The following KCND3 variants were observed in gnomAD, a reference collection of about 807,000 sequenced individuals.
KCND3 encodes the protein potassium voltage-gated channel subfamily D member 3, also known as A-type voltage-gated potassium channel KCND3.
Under a neutral mutation model 51.1 loss-of-function variants are expected in KCND3, and 9 were observed. The ratio of observed to expected loss-of-function variants is 0.18; its 90% CI spans 0.11 to 0.31. The LOEUF is 0.31. Among genes scored for constraint, KCND3 ranks in the 10% least tolerant of loss-of-function variants. The probability of loss-of-function intolerance (pLI) is 1.00; values close to 1 mark genes in which losing one functional copy is unlikely to be tolerated. For synonymous variants in KCND3, 349 were observed against 368.0 expected, an observed-to-expected ratio of 0.95 and a Z score of 0.59; for missense variants, 526 against 903.8, an observed-to-expected ratio of 0.58 and a Z score of 5.36.
In KCND3 at chr1:111,911,998, A is replaced by G. The variant is rs1670972680; in HGVS notation, c.1106+69623T>C. Among the ~76,000 whole-genome samples the G allele has an allele frequency of 2.6e-5, 4 of 152,234 alleles. No individual in the cohort carries two copies. In the South Asian group the frequency reaches 8.3e-4, roughly 32 times the overall value. ...TGAGGCAGCTAGAGTGTGCAGGCACAATGCCAGAAACAGCTTTGGCTATCT... is the reference window on the plus strand; with the variant it reads ...TGAGGCAGCTAGAGTGTGCAGGCACGATGCCAGAAACAGCTTTGGCTATCT... On this transcript the variant is annotated intron_variant, in intron 2 of 7. Transcript: ENST00000302127.
In KCND3 at chr1:111,915,766, C is replaced by CA. The variant is rs1265793985; in HGVS notation, c.1106+65854dup. ...AGACTCTGTCTCAAAAAAAAAAAAA[C>CA]AAAAAAAAAAACTGGAGTGACTATA... On this transcript the variant is annotated intron_variant, in intron 2 of 7. Coordinates refer to ENST00000302127, the MANE Select transcript of KCND3 (RefSeq NM_001378969.1). Among the ~76,000 whole-genome samples, 1,017 of 119,130 alleles carry CA rather than the reference C, an allele frequency of 8.5e-3. 14 individuals carry two copies. The highest frequency in any genetic ancestry group is 0.024 in the African/African-American group (756 of 31,498). 78.2% of individuals were successfully genotyped at this position (119,130 alleles called of 152,430 possible).
At chr1:111,798,024 G>A (rs1436734285) in intron 2 of KCND3, among the ~76,000 whole-genome samples, 4 of 152,190 alleles carry the variant, frequency 2.6e-5, no homozygotes, top group African/African-American at 9.6e-5. Context: ...GGGAAAGAGA[G>A]GACAGATAGG....
chr1:111,930,320 T>C (rs369974451), intron 2 of KCND3, among the ~76,000 whole-genome samples: 1 of 152,202 alleles, frequency 6.6e-6, no homozygotes, highest in Non-Finnish European at 1.5e-5. Context: ...CACAGAGTGC[T>C]GAACTCCAGC....
At chr1:111,869,892 T>A (rs963438010) in intron 2 of KCND3, among the ~76,000 whole-genome samples, 2 of 131,266 alleles carry the variant, frequency 1.5e-5, no homozygotes, top group Admixed American at 1.7e-4. Flanking sequence ...GAAGCTGTTT[T>A]CCAAAAGAAT....
At chr1:111,855,006 T>C (rs887062453) in intron 2 of KCND3, among the ~76,000 whole-genome samples, 3 of 152,234 alleles carry the variant, frequency 2.0e-5, no homozygotes, top group African/African-American at 7.2e-5. Flanking sequence ...CCTGCCACTC[T>C]GTGGCTTCGT....
At chr1:111,961,701 AG>A (rs140258357) in intron 2 of KCND3, among the ~76,000 whole-genome samples, 2,039 of 152,198 alleles carry the variant, frequency 0.013, 51 homozygotes, top group African/African-American at 0.046. Context: ...GGGAGGCCAG[AG>A]GGGGGGCATT....
Position 111,780,409 on chromosome 1 carries a change from A to G in KCND3, c.1372-95T>C. 8.0e-7 allele frequency: 1 copy of G among 1,253,474 alleles called. No individual in the cohort carries two copies. The highest frequency in any genetic ancestry group is 1.1e-6 in the Non-Finnish European group (1 of 877,394). 77.6% of individuals were successfully genotyped at this position (1,253,474 alleles called of 1,614,324 possible). On this transcript the variant is annotated intron_variant, in intron 4 of 7. Transcript: ENST00000302127. This position sits in a 1 kb window ranked among gnomAD's most constrained non-coding sequence, Gnocchi z 4.2. ...CCACTAAAGGTCAAAGGGCAATAGA[A>G]TAATCAAATTTTTTTTTATTTGACC...
At chr1:111,886,660 T>C (rs1669584125) in intron 2 of KCND3, among the ~76,000 whole-genome samples, 1 of 152,242 alleles carries the variant, frequency 6.6e-6, no homozygotes, top group Admixed American at 6.5e-5. Flanking sequence ...TTACAAAGCA[T>C]CAGGCCCTGT....
rs574523440 is a variant in KCND3, at chr1:111,912,743, A to T, written c.1106+68878T>A. On this transcript the variant is annotated intron_variant, in intron 2 of 7. Coordinates refer to ENST00000302127, the MANE Select transcript of KCND3 (RefSeq NM_001378969.1). ...AGTTTTTAAAAAAGTTTAAACAGTA[A>T]AAAAACCCCAAAACCCCCTTTTTTA... Among the ~76,000 whole-genome samples the T allele has an allele frequency of 7.2e-5, 11 of 152,292 alleles. No individual in the cohort carries two copies. The South Asian group carries it at 2.3e-3, about 32-fold the overall frequency.
chr1:111,845,801 T>C (rs1203093007), intron 2 of KCND3, among the ~76,000 whole-genome samples: 1 of 152,236 alleles, frequency 6.6e-6, no homozygotes, highest in African/African-American at 2.4e-5. Context: ...GATTTGAACC[T>C]AGTGAGCCTG....
chr1:111,826,173 C>T (rs574822216), intron 2 of KCND3, among the ~76,000 whole-genome samples: 2 of 152,266 alleles, frequency 1.3e-5, no homozygotes, highest in South Asian at 4.1e-4. Context: ...TTAGGGGTTT[C>T]ATTACTGATT....
intron 2 of KCND3, among the ~76,000 whole-genome samples, chr1:111,857,289 G>A (rs1198581631): frequency 6.6e-6 from 1 of 152,180 alleles, no homozygotes; most frequent in African/African-American, 2.4e-5. Flanking sequence ...CCCTGGGCGT[G>A]GGGTCACAGC....
intron 2 of KCND3, among the ~76,000 whole-genome samples, chr1:111,795,317 T>C (rs58058960): frequency 0.018 from 2,782 of 152,278 alleles, 86 homozygotes; most frequent in African/African-American, 0.063. Flanking sequence ...AATCTTGAAG[T>C]TCCTCTGAAG....
intron 2 of KCND3, among the ~76,000 whole-genome samples, chr1:111,893,771 C>T (rs143369452): frequency 6.6e-6 from 1 of 152,240 alleles, no homozygotes; most frequent in African/African-American, 2.4e-5. Context: ...AAGGTAAAGC[C>T]AGCATTGGTC....
chr1:111,815,930 CCTCCACTGCCAGCAGTGA>C (rs1384404640), intron 2 of KCND3, among the ~76,000 whole-genome samples: 8 of 152,108 alleles, frequency 5.3e-5, no homozygotes, highest in Admixed American at 5.2e-4. Context: ...CCAGCCCCTA[CCTCCACTGCCAGCAGTGA>C]CTCCTAGGAC....
In KCND3 at chr1:111,813,211, A is replaced by G. The variant is rs78980967; in HGVS notation, c.1107-26105T>C. Among the ~76,000 whole-genome samples the G allele has an allele frequency of 2.0e-3, 305 of 152,328 alleles. 4 individuals carry two copies. The East Asian group carries it at 0.022, about 11-fold the overall frequency. Reference sequence around the variant, plus strand: ...GCCCCCAGATCACTCTTGGAACCCTAGCAAGCTCAGGGAGCTTGGAACCCT... The same window carrying G: ...GCCCCCAGATCACTCTTGGAACCCTGGCAAGCTCAGGGAGCTTGGAACCCT... On this transcript the variant is annotated intron_variant, in intron 2 of 7. Transcript: ENST00000302127.
intron 2 of KCND3, among the ~76,000 whole-genome samples, chr1:111,833,642 G>A (rs12130006): frequency 0.016 from 2,374 of 152,292 alleles, 27 homozygotes; most frequent in Non-Finnish European, 0.024. Flanking sequence ...CTGATTTCTG[G>A]CACAATTACT....
intron 2 of KCND3, among the ~76,000 whole-genome samples, chr1:111,855,100 C>T (rs1396697248): frequency 1.3e-5 from 2 of 152,212 alleles, no homozygotes; most frequent in East Asian, 3.8e-4. Flanking sequence ...CCCTGGGGTC[C>T]ACTTCATGAA....
chr1:111,858,997 C>A (rs925691894), intron 2 of KCND3, among the ~76,000 whole-genome samples: 2 of 152,216 alleles, frequency 1.3e-5, no homozygotes, highest in South Asian at 2.1e-4. Context: ...ACCAGCAGCA[C>A]AATAGCTCTC....
Sources: allele counts gnomAD v4.1 joint callset (sites outside exome capture counted in the v4.1 genomes callset), GRCh38; gene constraint gnomAD v4.1.1; non-coding constraint Gnocchi (gnomAD v3.1); transcripts MANE v1.5; gene names NCBI Gene and HGNC (gene_info 2026-07-23, HGNC 2026-07-21).